PPM1L: variants seen among roughly 807,000 people sequenced by gnomAD.
The protein encoded by PPM1L is protein phosphatase 1L.
A neutral mutation model predicts 31.4 loss-of-function variants in PPM1L; 13 were observed. That is an observed-to-expected ratio of 0.41 (90% CI 0.27 to 0.66). The LOEUF (loss-of-function observed/expected upper bound fraction) is 0.66, where lower values mean the gene tolerates loss of function less well. PPM1L is among the 30% of genes least tolerant of loss of function. PPM1L has a pLI of 0.29. For synonymous variants in PPM1L, 184 were observed against 175.4 expected, an observed-to-expected ratio of 1.05 and a Z score of -0.39; for missense variants, 326 against 453.7, an observed-to-expected ratio of 0.72 and a Z score of 2.56.
At position 161,038,584 on chromosome 3, in the gene PPM1L, T is replaced by TAA. The variant is rs1205054779; in HGVS notation, c.575-26819_575-26818insAA. Among the ~76,000 whole-genome samples the TAA allele has an allele frequency of 9.1e-4, 92 of 100,792 alleles. 2 individuals carry two copies. The highest frequency in any genetic ancestry group is 4.7e-3 in the African/African-American group (88 of 18,544). 66.1% of individuals were successfully genotyped at this position (100,792 alleles called of 152,430 possible). On this transcript the variant is annotated intron_variant, in intron 2 of 3. Coordinates refer to ENST00000498165, the MANE Select transcript of PPM1L (RefSeq NM_139245.4). ...GCCTCCCAAAATGCTGGGATTTGTT[T>TAA]TAAAAAAAAAAAAAAAAAAAAAAAA...
intron 2 of PPM1L, among the ~76,000 whole-genome samples, chr3:161,056,439 G>C (rs532866014): frequency 3.5e-4 from 53 of 152,118 alleles, no homozygotes; most frequent in African/African-American, 1.1e-3. Context: ...CAGTAAATAT[G>C]CTACTGAAAC....
chr3:160,866,180 A>T (rs949462660), intron 1 of PPM1L, among the ~76,000 whole-genome samples: 1 of 152,180 alleles, frequency 6.6e-6, no homozygotes, highest in Non-Finnish European at 1.5e-5. Context: ...TGCTCTTCTG[A>T]ATTTCAGGAG....
intron 1 of PPM1L, among the ~76,000 whole-genome samples, chr3:160,789,042 A>G (rs894429422): frequency 6.6e-6 from 1 of 151,992 alleles, no homozygotes; most frequent in African/African-American, 2.4e-5. Flanking sequence ...TTCTGTTGGT[A>G]TTATTGAGAT....
chr3:160,781,817 A>G (rs1711754694), intron 1 of PPM1L, among the ~76,000 whole-genome samples: 1 of 152,172 alleles, frequency 6.6e-6, no homozygotes, highest in Non-Finnish European at 1.5e-5. Flanking sequence ...TTTTGAAATC[A>G]AAGTGCAGAA....
intron 2 of PPM1L, among the ~76,000 whole-genome samples, chr3:161,013,291 CA>C (rs1158297988): frequency 1.3e-5 from 2 of 152,164 alleles, no homozygotes; most frequent in Non-Finnish European, 2.9e-5. Flanking sequence ...ACCCAGTAGT[CA>C]TTCAGGAGCA....
At chr3:161,001,212 A>G (rs971074149) in intron 2 of PPM1L, among the ~76,000 whole-genome samples, 2 of 152,182 alleles carry the variant, frequency 1.3e-5, no homozygotes, top group African/African-American at 4.8e-5. Context: ...TTGCAAAACA[A>G]AACAAAAAAC....
intron 1 of PPM1L, among the ~76,000 whole-genome samples, chr3:160,803,578 A>G (rs927525149): frequency 1.3e-5 from 2 of 149,344 alleles, no homozygotes; most frequent in Non-Finnish European, 3.0e-5. Context: ...TTAAAATGGT[A>G]TGTCAGACAA....
chr3:160,954,887 CCTTT>C (rs200878341), intron 1 of PPM1L, among the ~76,000 whole-genome samples: 2,244 of 143,222 alleles, frequency 0.016, 61 homozygotes, highest in African/African-American at 0.055. Flanking sequence ...TTTTGTTTTC[CCTTT>C]CTTTCTTCCT....
intron 1 of PPM1L, among the ~76,000 whole-genome samples, chr3:160,824,523 G>A (rs571379165): frequency 3.3e-5 from 5 of 152,262 alleles, no homozygotes; most frequent in African/African-American, 4.8e-5. Flanking sequence ...AATCCTGTGC[G>A]TGTCTGTTTG....
chr3:160,764,825 T>A (rs1439104703), intron 1 of PPM1L, among the ~76,000 whole-genome samples: 1 of 152,182 alleles, frequency 6.6e-6, no homozygotes, highest in Non-Finnish European at 1.5e-5. Flanking sequence ...GAGCAATATT[T>A]TATTGAGTAG....
At chr3:160,865,284 G>C (rs1712049337) in intron 1 of PPM1L, among the ~76,000 whole-genome samples, 1 of 152,110 alleles carries the variant, frequency 6.6e-6, no homozygotes, top group Admixed American at 6.6e-5. Context: ...ATATAAACAT[G>C]TTCATCAAAT....
intron 1 of PPM1L, among the ~76,000 whole-genome samples, chr3:160,873,049 G>A (rs75385815): frequency 0.076 from 11,548 of 152,282 alleles, 560 homozygotes; most frequent in African/African-American, 0.13. Context: ...ATCCTAGTAT[G>A]TAGGTAATGT....
At chr3:160,839,201 T>C (rs148775229) in intron 1 of PPM1L, among the ~76,000 whole-genome samples, 1 of 152,366 alleles carries the variant, frequency 6.6e-6, no homozygotes, top group East Asian at 1.9e-4. Context: ...TAATTGGTTA[T>C]AGTGACAGAA....
At chr3:160,783,869 A>G (rs557923889) in intron 1 of PPM1L, among the ~76,000 whole-genome samples, 1 of 152,310 alleles carries the variant, frequency 6.6e-6, no homozygotes, top group Admixed American at 6.5e-5. Context: ...GGAATCAGGT[A>G]TTGAACTGAA....
chr3:161,065,711 C>T lies in PPM1L; in HGVS notation c.736+147C>T, dbSNP rs551498748. The T allele has an allele frequency of 3.2e-5, 19 of 597,604 alleles. 1 individual carries two copies. The highest frequency in any genetic ancestry group is 2.4e-4 in the Admixed American group (7 of 28,908). The allele number at this position is 597,604 out of a possible 1,614,324, so 37.0% of individuals were successfully genotyped here. ...AACTGAGATTGACTTTGTAACATTA[C>T]CTATCAAATAAATGGCCACTAAATC... On this transcript the variant is annotated intron_variant, in intron 3 of 3. Transcript: ENST00000498165.
At chr3:160,802,815 C>CT (rs1181052286) in intron 1 of PPM1L, among the ~76,000 whole-genome samples, 1 of 152,094 alleles carries the variant, frequency 6.6e-6, no homozygotes, top group East Asian at 1.9e-4. Context: ...TTAAAAGGTA[C>CT]TTTTTTTAAA....
At chr3:160,970,034 A>AT (rs1241489932) in intron 2 of PPM1L, among the ~76,000 whole-genome samples, 1 of 152,126 alleles carries the variant, frequency 6.6e-6, no homozygotes, top group Admixed American at 6.5e-5. Context: ...TTTATTTAAC[A>AT]TTTTTAATCA....
chr3:160,849,521 T>C (rs1437174132), intron 1 of PPM1L, among the ~76,000 whole-genome samples: 2 of 151,874 alleles, frequency 1.3e-5, no homozygotes, highest in Non-Finnish European at 2.9e-5. Context: ...CCCGGGTTCA[T>C]GCCATTCTCC....
chr3:161,016,599 G>A (rs927471113), intron 2 of PPM1L, among the ~76,000 whole-genome samples: 1 of 152,204 alleles, frequency 6.6e-6, no homozygotes, highest in Non-Finnish European at 1.5e-5. Flanking sequence ...TTATAAGATA[G>A]ATGAGGAACT....
Sources: gnomAD v4.1 joint callset for allele counts (sites outside exome capture counted in the v4.1 genomes callset) on GRCh38, gnomAD v4.1.1 for gene constraint, MANE v1.5 for transcripts, NCBI Gene and HGNC (gene_info 2026-07-23, HGNC 2026-07-21) for gene names.